PCNX2: variants seen among roughly 807,000 people sequenced by gnomAD.
The protein encoded by PCNX2 is pecanex 2.
Under a neutral mutation model 223.8 loss-of-function variants are expected in PCNX2, and 168 were observed. The observed-to-expected ratio is 0.75, with a 90% CI of 0.66 to 0.85. The LOEUF (loss-of-function observed/expected upper bound fraction) is 0.85. Among genes scored for constraint, PCNX2 ranks in the 40% least tolerant of loss-of-function variants. The pLI is 0.00. For missense variants in PCNX2, 2,507 were observed against 2,675.5 expected (o/e 0.94, Z 1.39); for synonymous variants, 1,006 against 1,052.6 (o/e 0.96, Z 0.86).
chr1:233,104,960 G>T (rs1674681061), intron 21 of PCNX2, among the ~76,000 whole-genome samples: 1 of 152,100 alleles, frequency 6.6e-6, no homozygotes, highest in Non-Finnish European at 1.5e-5. Flanking sequence ...TAAAATGAAT[G>T]ACAATGAAAA....
At chr1:233,146,988 A>G (rs913974687) in intron 19 of PCNX2, among the ~76,000 whole-genome samples, 15 of 152,390 alleles carry the variant, frequency 9.8e-5, no homozygotes, top group Admixed American at 3.9e-4. Flanking sequence ...AACACATAAA[A>G]CAATGAATTT....
chr1:233,062,974 G>A (rs181655160), intron 23 of PCNX2, among the ~76,000 whole-genome samples: 20 of 152,320 alleles, frequency 1.3e-4, no homozygotes, highest in African/African-American at 4.6e-4. Context: ...GGTGGCTCAT[G>A]CCTGTAATCC....
chr1:233,255,136 A>C (rs1362764874), intron 5 of PCNX2, among the ~76,000 whole-genome samples: 7 of 152,172 alleles, frequency 4.6e-5, no homozygotes, highest in Admixed American at 3.9e-4. Flanking sequence ...AGGAAGTCAG[A>C]CCACTATTTC....
At chr1:232,999,443 T>A (rs1436663638) in intron 30 of PCNX2, 64 bp from the exon 31 acceptor site, 1 of 1,448,946 alleles carries the variant, frequency 6.9e-7, no homozygotes, top group Admixed American at 2.9e-5. Context: ...CTATTGGTTT[T>A]TTCTTTTTCT....
the PCNX2 span, among the ~76,000 whole-genome samples, chr1:233,310,409 C>T: frequency 1.2e-4 from 19 of 152,160 alleles, no homozygotes; most frequent in South Asian, 2.1e-4. Flanking sequence ...AATAATTATG[C>T]TATCAAAAAT....
chr1:233,183,060 C>A (rs1322489886), intron 15 of PCNX2, among the ~76,000 whole-genome samples: 1 of 152,136 alleles, frequency 6.6e-6, no homozygotes, highest in East Asian at 1.9e-4. Context: ...TCACTATGTT[C>A]TTTTATTATG....
intron 9 of PCNX2, chr1:233,233,076 C>A (rs184603442): frequency 2.7e-5 from 26 of 955,802 alleles, no homozygotes; most frequent in Middle Eastern, 1.1e-3. Context: ...ACCTGCCTCT[C>A]AACCAGCAGT....
intron 8 of PCNX2, among the ~76,000 whole-genome samples, chr1:233,243,470 T>C (rs1658906644): frequency 6.6e-6 from 1 of 152,184 alleles, no homozygotes; most frequent in Non-Finnish European, 1.5e-5. Flanking sequence ...TAAAATCTAA[T>C]TGCATTAAAA....
At chr1:233,019,412 A>C (rs1448959630) in intron 26 of PCNX2, among the ~76,000 whole-genome samples, 1 of 152,176 alleles carries the variant, frequency 6.6e-6, no homozygotes, top group Non-Finnish European at 1.5e-5. Context: ...CGATATAAGG[A>C]GGAAGGAAGA....
At position 233,236,963 on chromosome 1, in the gene PCNX2, G is replaced by C. The variant is rs948380925; in HGVS notation, c.2240C>G (p.Ser747Cys). ...ACTCTCAGAAGTTGTGGTACTGGAG[G>C]AGCTGACCTGCATCTCTCTGAGGAT... is the stretch of plus-strand genomic sequence containing the variant. ...LSQAREMQVSSSSTTTSESQD... is the reference protein window; with the variant it reads ...LSQAREMQVSCSSTTTSESQD... The change falls in exon 9 of 34, where the codon TCC (serine) becomes TGC (cysteine). Residue 747 changes from serine to cysteine, a missense_variant. Ser to Cys is a moderately radical substitution (Grantham distance 112). Transcript: ENST00000258229. 5 of 1,613,848 alleles carry C rather than the reference G, an allele frequency of 3.1e-6. No individual in the cohort carries two copies. The African/African-American group carries it at 6.7e-5, about 22-fold the overall frequency.
At position 232,991,545 on chromosome 1, in the gene PCNX2, G is replaced by GAC. The variant is rs1195717264; in HGVS notation, c.5792-5007_5792-5006dup. Among the ~76,000 whole-genome samples, 2 of 152,088 alleles carry GAC rather than the reference G, an allele frequency of 1.3e-5. No individual in the cohort carries two copies. The highest frequency in any genetic ancestry group is 2.9e-5 in the Non-Finnish European group (2 of 68,014). On this transcript the variant is annotated intron_variant, in intron 32 of 33. Transcript: ENST00000258229. This position sits in a 1 kb window ranked among gnomAD's most constrained non-coding sequence, Gnocchi z 4.3. The stretch of plus-strand genomic sequence containing the variant: ...GGACCTCAGGGTGGGGCCTTACTTT[G>GAC]ACACAGGGTCGTTGCAAATGTCATT...
At chr1:233,285,108 T>C (rs1661382313) in intron 1 of PCNX2, 2 of 712,534 alleles carry the variant, frequency 2.8e-6, no homozygotes, top group Non-Finnish European at 3.4e-6. Context: ...ATCCCAACAC[T>C]TCGGGAGGCC....
At chr1:233,211,273 A>C (rs1016604812) in intron 12 of PCNX2, among the ~76,000 whole-genome samples, 27 of 151,948 alleles carry the variant, frequency 1.8e-4, no homozygotes, top group African/African-American at 6.3e-4. Context: ...TCCCTGGGAC[A>C]GAAGAGAGCC....
intron 1 of PCNX2, among the ~76,000 whole-genome samples, chr1:233,280,495 G>T (rs1661136918): frequency 1.3e-5 from 2 of 152,112 alleles, no homozygotes; most frequent in African/African-American, 4.8e-5. Flanking sequence ...ACGAGGTTTT[G>T]CCATGTTAGC....
chr1:233,243,825 TA>T (rs200370349), intron 8 of PCNX2, among the ~76,000 whole-genome samples: 3 of 147,132 alleles, frequency 2.0e-5, no homozygotes, highest in Non-Finnish European at 2.9e-5. Flanking sequence ...CTATCACCTT[TA>T]TTTTTTATTT....
At chr1:233,110,566 T>C (rs377453257) in intron 21 of PCNX2, among the ~76,000 whole-genome samples, 3 of 151,696 alleles carry the variant, frequency 2.0e-5, no homozygotes, top group African/African-American at 4.8e-5. Flanking sequence ...GGTCAGAAAC[T>C]TGAATCTACA....
chr1:233,091,229 T>A (rs1428147338), intron 22 of PCNX2, among the ~76,000 whole-genome samples: 1 of 152,176 alleles, frequency 6.6e-6, no homozygotes, highest in East Asian at 1.9e-4. Context: ...TCTGACCTCC[T>A]ACAAGGCTGA....
In PCNX2 at chr1:232,991,980, A is replaced by C. The variant is rs1669716427; in HGVS notation, c.5792-5440T>G. 6.6e-6 allele frequency among the ~76,000 whole-genome samples: 1 copy of C among 152,222 alleles called. No homozygotes were observed. The highest frequency in any genetic ancestry group is 1.5e-5 in the Non-Finnish European group (1 of 68,044). On this transcript the variant is annotated intron_variant, in intron 32 of 33. Transcript: ENST00000258229. The surrounding 1 kb of genome is among the most constrained non-coding windows in gnomAD (Gnocchi z 4.3). ...AACAACGTGAACTGATTTAAGTTTAAATAAAATCACTCTGACTTGCTTTGT... is the reference window on the plus strand; with the variant it reads ...AACAACGTGAACTGATTTAAGTTTACATAAAATCACTCTGACTTGCTTTGT...
the PCNX2 span, among the ~76,000 whole-genome samples, chr1:233,308,013 G>A: frequency 6.6e-6 from 1 of 152,170 alleles, no homozygotes; most frequent in African/African-American, 2.4e-5. Flanking sequence ...GTTATGAATT[G>A]AGAAACTGAC....
Sources: allele counts gnomAD v4.1 joint callset (sites outside exome capture counted in the v4.1 genomes callset), GRCh38; gene constraint gnomAD v4.1.1; non-coding constraint Gnocchi (gnomAD v3.1); transcripts MANE v1.5; gene names NCBI Gene and HGNC (gene_info 2026-07-23, HGNC 2026-07-21).